Variants in CRACDL observed in about 807,000 individuals in gnomAD.
CRACDL encodes the protein CRACD like.
CRACDL carries 26 observed loss-of-function variants against 70.6 expected under a neutral mutation model. The ratio of observed to expected loss-of-function variants is 0.37; its 90% CI spans 0.27 to 0.51. The LOEUF (loss-of-function observed/expected upper bound fraction) is 0.51. CRACDL is among the 20% of genes least tolerant of loss of function. The pLI is 0.94. For synonymous variants in CRACDL, 618 were observed against 615.2 expected, an observed-to-expected ratio of 1.00 and a Z score of -0.07; for missense variants, 1,283 against 1,376.9, an observed-to-expected ratio of 0.93 and a Z score of 1.08.
At chr2:98,834,065 T>C (rs2104504759) in intron 3 of CRACDL, among the ~76,000 whole-genome samples, 1 of 152,314 alleles carries the variant, frequency 6.6e-6, no homozygotes, top group South Asian at 2.1e-4. Flanking sequence ...CTACGCCAAC[T>C]GAAGGAATCA....
chr2:98,863,576 T>TA (rs1707018863), intron 1 of CRACDL, among the ~76,000 whole-genome samples: 1 of 152,158 alleles, frequency 6.6e-6, no homozygotes. Context: ...AGCACTTTTT[T>TA]AAAAAAAGAG....
At chr2:98,804,371 G>T (rs1001580682) in intron 7 of CRACDL, among the ~76,000 whole-genome samples, 1 of 152,180 alleles carries the variant, frequency 6.6e-6, no homozygotes, top group African/African-American at 2.4e-5. Context: ...TCGCCTACTC[G>T]CTAAAATACA....
chr2:98,811,481 G>GCACTC (rs1265579471), intron 7 of CRACDL, among the ~76,000 whole-genome samples: 1 of 128,416 alleles, frequency 7.8e-6, no homozygotes, highest in Non-Finnish European at 1.5e-5. Flanking sequence ...CTGCACTCCA[G>GCACTC]CACTCCAGCC....
intron 1 of CRACDL, among the ~76,000 whole-genome samples, chr2:98,904,848 G>C (rs1708365870): frequency 6.6e-6 from 1 of 152,208 alleles, no homozygotes; most frequent in Non-Finnish European, 1.5e-5. Context: ...CCCCAATGTT[G>C]GAGATGGGGC....
chr2:98,895,466 G>A (rs1393946374), intron 1 of CRACDL, among the ~76,000 whole-genome samples: 1 of 152,132 alleles, frequency 6.6e-6, no homozygotes, highest in African/African-American at 2.4e-5. Flanking sequence ...CAGGGAAGAC[G>A]AGATTCCAGG....
intron 5 of CRACDL, among the ~76,000 whole-genome samples, chr2:98,827,586 G>A (rs7608174): frequency 0.12 from 17,695 of 152,178 alleles, 1,132 homozygotes; most frequent in Non-Finnish European, 0.13. Context: ...CACCGCACCC[G>A]GCCAATACTT....
chr2:98,800,970 T>G (rs10182043), intron 7 of CRACDL, among the ~76,000 whole-genome samples: 19 of 152,108 alleles, frequency 1.2e-4, no homozygotes, highest in African/African-American at 4.6e-4. Flanking sequence ...TGTGTTCACA[T>G]GCAGACCCAC....
At chr2:98,865,176 G>T (rs983442933) in intron 1 of CRACDL, among the ~76,000 whole-genome samples, 13 of 151,996 alleles carry the variant, frequency 8.6e-5, no homozygotes, top group Non-Finnish European at 1.5e-5. Flanking sequence ...ATAGCACTCC[G>T]TTTCCTTCCA....
In CRACDL at chr2:98,806,932, A is replaced by G. The variant is rs150830585; in HGVS notation, c.2417-9395T>C. Among the ~76,000 whole-genome samples the G allele has an allele frequency of 1.8e-3, 270 of 152,158 alleles. 9 individuals are homozygous for G. The East Asian group carries it at 0.047, about 26-fold the overall frequency. ...GGCAGCTATTGTCCTTGGAGCTCAG[A>G]TTTCCCTTTCTCTATTACATCTGGG... On this transcript the variant is annotated intron_variant, in intron 7 of 9. Coordinates refer to ENST00000397899, the MANE Select transcript of CRACDL (RefSeq NM_207362.3).
At position 98,821,963 on chromosome 2, in the gene CRACDL, G is replaced by A; in HGVS notation, c.2310C>T (p.Ser770=). Residue 770 remains serine, a synonymous_variant, in exon 7 of 10, where the codon AGC becomes AGT. Transcript: ENST00000397899. The stretch of plus-strand genomic sequence containing the variant: ...GCGCGGGCTGGTGCGGGAGCGTGAA[G>A]CTCTGCAGAAGCGGCTTCCGGGGCA... ...PPLPRKPLLQ[S]FTLPHQPAPP... 1.3e-6 allele frequency: 2 copies of A among 1,542,714 alleles called. No homozygotes were observed. The highest frequency in any genetic ancestry group is 2.1e-5 in the Admixed American group (1 of 48,344).
intron 7 of CRACDL, among the ~76,000 whole-genome samples, chr2:98,817,148 A>C (rs1704814608): frequency 6.6e-6 from 1 of 152,208 alleles, no homozygotes; most frequent in Non-Finnish European, 1.5e-5. Context: ...AATCTAAAAT[A>C]GTCAAATTCA....
At chr2:98,846,583 G>C (rs1223200933) in intron 2 of CRACDL, 148 bp downstream of exon 2, 2 of 629,022 alleles carry the variant, frequency 3.2e-6, no homozygotes, top group African/African-American at 1.8e-5. Flanking sequence ...CAGTCACAGC[G>C]TGAAGGGCCT....
chr2:98,797,290 C>A, intron 8 of CRACDL, 60 bp downstream of exon 8: 1 of 1,539,046 alleles, frequency 6.5e-7, no homozygotes, highest in South Asian at 1.2e-5. Context: ...GGTCCTCGCC[C>A]CAGTCCCAGC....
intron 1 of CRACDL, among the ~76,000 whole-genome samples, chr2:98,850,953 C>T (rs1706457748): frequency 6.6e-6 from 1 of 152,168 alleles, no homozygotes; most frequent in Admixed American, 6.5e-5. Flanking sequence ...TTTAATATGG[C>T]ATTTTAAAGG....
chr2:98,812,777 T>C (rs1345461677), intron 7 of CRACDL, among the ~76,000 whole-genome samples: 2 of 152,090 alleles, frequency 1.3e-5, no homozygotes, highest in Non-Finnish European at 2.9e-5. Context: ...CTTTATAGGA[T>C]ATGTAGTTTG....
Position 98,846,796 on chromosome 2 carries a change from A to G in CRACDL, c.5T>C (p.Ile2Thr). 1.9e-6 allele frequency: 3 copies of G among 1,614,088 alleles called. No homozygotes were observed. Among genetic ancestry groups the G allele is most frequent in the South Asian group, 2.2e-5 (2 of 91,090 alleles). The change falls in exon 2 of 10, where the codon ATT (isoleucine) becomes ACT (threonine). Residue 2 changes from isoleucine to threonine, a missense_variant. Ile to Thr is a moderately conservative substitution (Grantham distance 89). Around this residue, in one of 2 missense-constraint regions of CRACDL, gnomAD observed 362 missense variants for 495.0 expected, o/e 0.73. Coordinates refer to ENST00000397899, the MANE Select transcript of CRACDL (RefSeq NM_207362.3). Reference protein sequence around the residue: MISTRVMDIKLR... With the variant: MTSTRVMDIKLR... ...CTTAATGTCCATCACCCTTGTGGAA[A>G]TCATGTCAAGCTCGCTGAAATTATA... is the stretch of plus-strand genomic sequence containing the variant.
rs541672888 is a variant in CRACDL, at chr2:98,851,960, A to T, written c.-10-5150T>A. 1.8e-3 allele frequency among the ~76,000 whole-genome samples: 268 copies of T among 152,244 alleles called. 2 individuals are homozygous for T. The highest frequency in any genetic ancestry group is 6.2e-3 in the African/African-American group (258 of 41,544). ...TTTTTTATTTTTGGAATCAACACTT[A>T]AAAAAAGGGAATTGCAGTAGGAGTG... On this transcript the variant is annotated intron_variant, in intron 1 of 9. Transcript: ENST00000397899.
At chr2:98,890,480 C>T (rs574998669) in intron 1 of CRACDL, among the ~76,000 whole-genome samples, 6 of 152,066 alleles carry the variant, frequency 3.9e-5, no homozygotes, top group Admixed American at 6.6e-5. Context: ...CCAAAACAAC[C>T]GAAGAGATTG....
At chr2:98,850,433 A>T (rs1706435874) in intron 1 of CRACDL, among the ~76,000 whole-genome samples, 1 of 152,226 alleles carries the variant, frequency 6.6e-6, no homozygotes, top group African/African-American at 2.4e-5. Context: ...GAAACGCCAG[A>T]TGTAAAACCG....
Sources: allele counts gnomAD v4.1 joint callset (sites outside exome capture counted in the v4.1 genomes callset), GRCh38; gene constraint gnomAD v4.1.1; regional missense constraint gnomAD v4.1.1; transcripts MANE v1.5; gene names NCBI Gene and HGNC (gene_info 2026-07-23, HGNC 2026-07-21).